The following TEK variants were observed in gnomAD, a reference collection of about 807,000 sequenced individuals.
TEK encodes angiopoietin-1 receptor.
In TEK, 43 loss-of-function variants were observed where a neutral mutation model predicts 131.8. The ratio of observed to expected loss-of-function variants is 0.33; its 90% CI spans 0.26 to 0.42. The LOEUF is 0.42. Ranked by LOEUF, TEK falls within the 10% of genes least tolerant of loss-of-function variation. The probability of loss-of-function intolerance (pLI) is 1.00; values close to 1 mark genes in which losing one functional copy is unlikely to be tolerated. For synonymous variants in TEK, 580 were observed against 491.6 expected, an observed-to-expected ratio of 1.18 and a Z score of -2.38; for missense variants, 1,162 against 1,384.4, an observed-to-expected ratio of 0.84 and a Z score of 2.55.
intron 18 of TEK, among the ~76,000 whole-genome samples, chr9:27,215,684 G>T (rs1825799897): frequency 6.6e-6 from 1 of 151,974 alleles, no homozygotes; most frequent in Non-Finnish European, 1.5e-5. Flanking sequence ...CGTCATCATG[G>T]ATTTGTTAGT....
intron 2 of TEK, among the ~76,000 whole-genome samples, chr9:27,167,764 A>G (rs1426013991): frequency 6.6e-6 from 1 of 152,174 alleles, no homozygotes; most frequent in Non-Finnish European, 1.5e-5. Flanking sequence ...AGCAATTAGA[A>G]TTATTTGGAA....
chr9:27,157,856 G>C lies in TEK; in HGVS notation c.78G>C (p.Leu26Phe). 6.2e-7 allele frequency: 1 copy of C among 1,614,046 alleles called. No individual in the cohort carries two copies. The highest frequency in any genetic ancestry group is 8.5e-7 in the Non-Finnish European group (1 of 1,179,998). ...GAACTGTGGAAGGTGCCATGGACTT[G>C]ATCTTGATCAATTCCCTACCTCTTG... ...LSGTVEGAMD[L>F]ILINSLPLVS... The change falls in exon 2 of 23, where the codon TTG becomes TTC. Residue 26 changes from leucine (L) to phenylalanine (F), a missense_variant. Transcript: ENST00000380036.
intron 9 of TEK, 78 bp downstream of exon 9, chr9:27,185,707 T>C (rs1177841913): frequency 2.2e-5 from 35 of 1,572,464 alleles, no homozygotes; most frequent in Non-Finnish European, 2.7e-5. Context: ...GACAGAAATG[T>C]ATGCGACCAC....
chr9:27,229,948 T>G lies in TEK; in HGVS notation c.*716T>G, dbSNP rs562113265. The G allele has an allele frequency of 1.3e-5, 2 of 152,244 alleles. No individual in the cohort carries two copies. The highest frequency in any genetic ancestry group is 4.8e-5 in the African/African-American group (2 of 41,452). The allele number at this position is 152,244 out of a possible 1,614,324, so 9.4% of individuals were successfully genotyped here. ...TTAGGATAAAATAATGGGATTTTCT[T>G]TTCTTTTCTCTGGTAATATTGACTT... On this transcript the variant is annotated 3_prime_UTR_variant, in exon 23 of 23. Transcript: ENST00000380036.
At chr9:27,124,983 C>G (rs1053744961) in intron 1 of TEK, among the ~76,000 whole-genome samples, 4 of 152,178 alleles carry the variant, frequency 2.6e-5, no homozygotes, top group Non-Finnish European at 5.9e-5. Context: ...GAACAGTCCC[C>G]AGTCGCTCAT....
intron 18 of TEK, among the ~76,000 whole-genome samples, chr9:27,217,362 A>G (rs1825853449): frequency 6.6e-6 from 1 of 152,090 alleles, no homozygotes; most frequent in African/African-American, 2.4e-5. Context: ...ATACAGTTAA[A>G]TTCTCACTCA....
At chr9:27,216,168 A>G (rs906326638) in intron 18 of TEK, among the ~76,000 whole-genome samples, 1 of 152,210 alleles carries the variant, frequency 6.6e-6, no homozygotes, top group Non-Finnish European at 1.5e-5. Flanking sequence ...CCATAGGGAC[A>G]TTAAAGAATT....
chr9:27,138,486 G>A (rs979855333), intron 1 of TEK, among the ~76,000 whole-genome samples: 6 of 152,188 alleles, frequency 3.9e-5, no homozygotes, highest in African/African-American at 1.4e-4. Context: ...TTTACAGAGT[G>A]CTGATTGGTG....
At chr9:27,218,730 G>A (rs1457869652) in intron 19 of TEK, 47 bp from the exon 20 acceptor site, 3 of 1,610,464 alleles carry the variant, frequency 1.9e-6, no homozygotes, top group South Asian at 1.1e-5. Flanking sequence ...AAAATGAGCG[G>A]TGACTCTGTT....
At chr9:27,132,996 A>T (rs1032839109) in intron 1 of TEK, among the ~76,000 whole-genome samples, 4 of 152,204 alleles carry the variant, frequency 2.6e-5, no homozygotes, top group Admixed American at 2.0e-4. Context: ...AGGGGTAGCT[A>T]AAAAAGAGGA....
chr9:27,137,154 T>G (rs7862757), intron 1 of TEK, among the ~76,000 whole-genome samples: 78,635 of 151,636 alleles, frequency 0.52, 21,354 homozygotes, highest in African/African-American at 0.57. Flanking sequence ...TTAACCTCAG[T>G]TGATCCACCC....
chr9:27,121,167 C>T (rs779018055), intron 1 of TEK, among the ~76,000 whole-genome samples: 4 of 148,616 alleles, frequency 2.7e-5, no homozygotes, highest in Non-Finnish European at 6.0e-5. Flanking sequence ...ACTAAAAATA[C>T]AAAAAAAAAA....
At chr9:27,115,639 A>G (rs915171142) in intron 1 of TEK, among the ~76,000 whole-genome samples, 1 of 152,260 alleles carries the variant, frequency 6.6e-6, no homozygotes, top group South Asian at 2.1e-4. Flanking sequence ...TCTTTGCAAG[A>G]ACTCCTAAAT....
intron 2 of TEK, among the ~76,000 whole-genome samples, chr9:27,166,680 T>G (rs1009277114): frequency 1.3e-5 from 2 of 152,236 alleles, no homozygotes; most frequent in African/African-American, 4.8e-5. Flanking sequence ...TATATATTTT[T>G]ATATCCCTTT....
At position 27,220,046 on chromosome 9, in the gene TEK, C is replaced by T. The variant is rs752279570; in HGVS notation, c.3104-3C>T. The T allele has an allele frequency of 6.2e-7, 1 of 1,614,020 alleles. No homozygotes were observed. The highest frequency in any genetic ancestry group is 1.1e-5 in the South Asian group (1 of 91,078). ...ACTTAGAGTGGCACTGTTTGTCTTC[C>T]AGGAGGCACACCCTACTGCGGGATG... On this transcript the variant is annotated splice_polypyrimidine_tract_variant and splice_region_variant and intron_variant, in intron 20 of 22. Transcript: ENST00000380036.
Position 27,203,002 on chromosome 9 carries a change from C to G in TEK, c.2092C>G (p.Gln698Glu). The change falls in exon 13 of 23, where the codon CAG (glutamine) becomes GAG (glutamate). Residue 698 changes from glutamine to glutamate, a missense_variant. Gln to Glu is a conservative substitution (Grantham distance 29). Transcript: ENST00000380036. ...AAAGAATGCCACCATCACTCAGTATCAGCTCAAGGGCCTAGAGCCTGAAAC... is the reference window on the plus strand; with the variant it reads ...AAAGAATGCCACCATCACTCAGTATGAGCTCAAGGGCCTAGAGCCTGAAAC... ...KIKNATITQY[Q>E]LKGLEPETAY... The G allele has an allele frequency of 3.1e-6, 5 of 1,614,136 alleles. No homozygotes were observed. The African/African-American group carries it at 5.3e-5, about 17-fold the overall frequency.
intron 12 of TEK, among the ~76,000 whole-genome samples, chr9:27,200,389 A>G (rs1026789492): frequency 6.6e-6 from 1 of 152,196 alleles, no homozygotes; most frequent in African/African-American, 2.4e-5. Context: ...TATCATATTT[A>G]TAGGATTAAA....
At chr9:27,201,961 G>A (rs749688363) in intron 12 of TEK, among the ~76,000 whole-genome samples, 15 of 152,162 alleles carry the variant, frequency 9.9e-5, no homozygotes, top group Admixed American at 6.6e-4. Flanking sequence ...ATTGTAAATA[G>A]CCTCATAAAT....
intron 21 of TEK, among the ~76,000 whole-genome samples, chr9:27,220,596 T>G (rs1195967942): frequency 6.6e-6 from 1 of 152,184 alleles, no homozygotes; most frequent in South Asian, 2.1e-4. Flanking sequence ...CATTTCCAAC[T>G]GAGGTACCCG....
Sources: gnomAD v4.1 joint callset for allele counts (sites outside exome capture counted in the v4.1 genomes callset) on GRCh38, gnomAD v4.1.1 for gene constraint, MANE v1.5 for transcripts, NCBI Gene and HGNC (gene_info 2026-07-23, HGNC 2026-07-21) for gene names.